CIB4: variants seen among roughly 807,000 people sequenced by gnomAD.
CIB4 encodes calcium and integrin binding family member 4.
A neutral mutation model predicts 25.8 loss-of-function variants in CIB4; 25 were observed. The ratio of observed to expected loss-of-function variants is 0.97; its 90% CI spans 0.71 to 1.35. CIB4 has a LOEUF of 1.35. Ranked by LOEUF, CIB4 falls within the 40% of genes most tolerant of loss-of-function variation. The probability of loss-of-function intolerance (pLI) is 0.00; values close to 1 mark genes in which losing one functional copy is unlikely to be tolerated. For synonymous variants in CIB4, 75 were observed against 81.4 expected (o/e 0.92, Z 0.42); for missense variants, 235 against 228.2 (o/e 1.03, Z -0.19).
chr2:26,618,803 T>C (rs1669145633), intron 3 of CIB4, among the ~76,000 whole-genome samples: 1 of 152,122 alleles, frequency 6.6e-6, no homozygotes, highest in Non-Finnish European at 1.5e-5. Flanking sequence ...AAGGCTTGCA[T>C]GGCCGCCCAG....
chr2:26,634,289 G>T (rs1669490425), intron 2 of CIB4, among the ~76,000 whole-genome samples: 1 of 152,152 alleles, frequency 6.6e-6, no homozygotes, highest in Non-Finnish European at 1.5e-5. Flanking sequence ...AGTACTGCCT[G>T]CAGATAGTAG....
chr2:26,627,235 G>C lies in CIB4; in HGVS notation c.186+2175C>G, dbSNP rs181793198. Among the ~76,000 whole-genome samples, 182 of 152,316 alleles carry C rather than the reference G, an allele frequency of 1.2e-3. 1 individual carries two copies. Among genetic ancestry groups the C allele is most frequent in the African/African-American group, 4.2e-3 (173 of 41,576 alleles). On this transcript the variant is annotated intron_variant, in intron 3 of 6. Transcript: ENST00000288861. The surrounding 1 kb of genome is among the most constrained non-coding windows in gnomAD (Gnocchi z 4.0). The stretch of plus-strand genomic sequence containing the variant: ...GCTCAGCCAAGCCTTGATTAGAATA[G>C]GAGGCTCTGCCTGGGCCAGAGTTCA...
intron 2 of CIB4, among the ~76,000 whole-genome samples, chr2:26,633,177 G>T (rs535792886): frequency 6.6e-6 from 1 of 152,166 alleles, no homozygotes; most frequent in Non-Finnish European, 1.5e-5. Context: ...ACCAAAGCTC[G>T]TTCCCCAGGA....
At chr2:26,620,188 A>G (rs59206254) in intron 3 of CIB4, among the ~76,000 whole-genome samples, 6,664 of 146,164 alleles carry the variant, frequency 0.046, 423 homozygotes, top group African/African-American at 0.16. Flanking sequence ...TCCCCTACAG[A>G]CTCCGCGACT....
In CIB4 at chr2:26,602,940, A is replaced by G. The variant is rs564903554; in HGVS notation, c.187-7623T>C. 1.2e-3 allele frequency among the ~76,000 whole-genome samples: 183 copies of G among 152,094 alleles called. 1 individual carries two copies. Among genetic ancestry groups the G allele is most frequent in the Non-Finnish European group, 9.1e-4 (62 of 68,004 alleles). On this transcript the variant is annotated intron_variant, in intron 3 of 6. Transcript: ENST00000288861. Reference sequence around the variant, plus strand: ...TGTGGTGTTCTGTGCCTGTAGTCCTAGCTACTCGGGAGGGTAAAAGGGGAA... The same window carrying G: ...TGTGGTGTTCTGTGCCTGTAGTCCTGGCTACTCGGGAGGGTAAAAGGGGAA...
intron 3 of CIB4, among the ~76,000 whole-genome samples, chr2:26,595,573 T>A (rs1668667020): frequency 6.6e-6 from 1 of 152,248 alleles, no homozygotes; most frequent in Admixed American, 6.5e-5. Flanking sequence ...ATAATGGTTA[T>A]AATGCAAATG....
intron 2 of CIB4, among the ~76,000 whole-genome samples, chr2:26,632,574 T>A (rs944962142): frequency 1.3e-5 from 2 of 151,946 alleles, no homozygotes; most frequent in Admixed American, 6.6e-5. Context: ...CTGGCCAACA[T>A]GGTGAAACAC....
At chr2:26,591,846 C>A (rs903199915) in intron 4 of CIB4, among the ~76,000 whole-genome samples, 1 of 152,214 alleles carries the variant, frequency 6.6e-6, no homozygotes, top group African/African-American at 2.4e-5. Context: ...GGCTGAGAGC[C>A]GGCAAGAAGT....
intron 3 of CIB4, among the ~76,000 whole-genome samples, chr2:26,622,360 CA>C (rs1669220912): frequency 6.6e-6 from 1 of 151,878 alleles, no homozygotes; most frequent in Non-Finnish European, 1.5e-5. Context: ...GACTCCATCT[CA>C]AAAAATAATA....
intron 2 of CIB4, among the ~76,000 whole-genome samples, chr2:26,634,237 G>T (rs1288229519): frequency 6.6e-6 from 1 of 152,100 alleles, no homozygotes; most frequent in Non-Finnish European, 1.5e-5. Context: ...CAGCTTTCTG[G>T]CTTCACCCCC....
At chr2:26,633,177 G>C (rs535792886) in intron 2 of CIB4, among the ~76,000 whole-genome samples, 1 of 152,166 alleles carries the variant, frequency 6.6e-6, no homozygotes, top group East Asian at 1.9e-4. Context: ...ACCAAAGCTC[G>C]TTCCCCAGGA....
intron 6 of CIB4, 96 bp downstream of exon 6, chr2:26,582,729 G>A: frequency 1.5e-6 from 1 of 666,926 alleles, no homozygotes; most frequent in South Asian, 2.3e-5. Context: ...GCCTTCTTGG[G>A]AAGACTGAGA....
chr2:26,603,539 T>C (rs965001865), intron 3 of CIB4, among the ~76,000 whole-genome samples: 1 of 152,174 alleles, frequency 6.6e-6, no homozygotes, highest in East Asian at 1.9e-4. Flanking sequence ...AAAATATCAA[T>C]GATTTCAGTA....
At chr2:26,630,351 T>A (rs1241610166) in intron 2 of CIB4, among the ~76,000 whole-genome samples, 1 of 152,180 alleles carries the variant, frequency 6.6e-6, no homozygotes, top group Non-Finnish European at 1.5e-5. Context: ...GAGACAGTGG[T>A]GCCCTGGGGC....
At chr2:26,582,971 G>A in intron 5 of CIB4, 58 bp from the exon 6 acceptor site, 1 of 1,194,522 alleles carries the variant, frequency 8.4e-7, no homozygotes, top group Non-Finnish European at 1.2e-6. Flanking sequence ...AGTGAGGTGG[G>A]GCACAGGGTG....
Position 26,595,336 on chromosome 2 carries a change from G to A in CIB4, c.187-19C>T, listed in dbSNP as rs1323419806. 6.2e-7 allele frequency: 1 copy of A among 1,607,070 alleles called. No homozygotes were observed. Among genetic ancestry groups the A allele is most frequent in the African/African-American group, 1.3e-5 (1 of 74,826 alleles). ...GGTTGACCTGTGGGCGACAGGAGGA[G>A]CAGGGAGGAGGTCTATCAGGGTCGG... On this transcript the variant is annotated intron_variant, in intron 3 of 6. Transcript: ENST00000288861.
At chr2:26,601,231 A>AAAAAAAAAAATAT (rs1395827334) in intron 3 of CIB4, among the ~76,000 whole-genome samples, 1 of 17,238 alleles carries the variant, frequency 5.8e-5, no homozygotes, top group African/African-American at 1.5e-4. Flanking sequence ...AAAAAAAAAA[A>AAAAAAAAAAATAT]ATATATATAT....
At chr2:26,638,974 A>C (rs1007690544) in intron 2 of CIB4, among the ~76,000 whole-genome samples, 20 of 151,828 alleles carry the variant, frequency 1.3e-4, no homozygotes, top group African/African-American at 4.8e-4. Context: ...AAAAGCTTAA[A>C]AAAAAAAAAG....
chr2:26,624,596 A>G (rs2148220169), intron 3 of CIB4, among the ~76,000 whole-genome samples: 1 of 152,200 alleles, frequency 6.6e-6, no homozygotes, highest in East Asian at 1.9e-4. Context: ...AAATAAAATG[A>G]TGGTCACTGA....
Sources: gnomAD v4.1 joint callset for allele counts (sites outside exome capture counted in the v4.1 genomes callset) on GRCh38, gnomAD v4.1.1 for gene constraint, Gnocchi (gnomAD v3.1) non-coding constraint, MANE v1.5 for transcripts, NCBI Gene and HGNC (gene_info 2026-07-23, HGNC 2026-07-21) for gene names.